Variants in KCNMB2 observed in about 807,000 individuals in gnomAD.
KCNMB2 encodes the protein potassium calcium-activated channel subfamily M regulatory beta subunit 2, also known as calcium-activated potassium channel subunit beta-2.
A neutral mutation model predicts 24.5 loss-of-function variants in KCNMB2; 9 were observed. The ratio of observed to expected loss-of-function variants is 0.37; its 90% CI spans 0.22 to 0.64. The LOEUF (loss-of-function observed/expected upper bound fraction) is 0.64. KCNMB2 is among the 30% of genes least tolerant of loss of function. The probability of loss-of-function intolerance (pLI) is 0.63; values close to 1 mark genes in which losing one functional copy is unlikely to be tolerated. For missense variants in KCNMB2, 226 were observed against 284.3 expected, an observed-to-expected ratio of 0.79 and a Z score of 1.47; for synonymous variants, 109 against 104.4, an observed-to-expected ratio of 1.04 and a Z score of -0.27.
At chr3:178,770,329 T>C (rs1415731397) in intron 1 of KCNMB2, among the ~76,000 whole-genome samples, 1 of 152,210 alleles carries the variant, frequency 6.6e-6, no homozygotes, top group African/African-American at 2.4e-5. Context: ...TTGACAGCAA[T>C]CAAGGCAGAG....
chr3:178,613,379 A>G (rs976299816), intron 1 of KCNMB2, among the ~76,000 whole-genome samples: 10 of 152,194 alleles, frequency 6.6e-5, no homozygotes, highest in African/African-American at 2.4e-4. Flanking sequence ...ACACGGTTAC[A>G]GTGTATTAAT....
chr3:178,676,539 G>A (rs1234004754), intron 1 of KCNMB2, among the ~76,000 whole-genome samples: 3 of 152,124 alleles, frequency 2.0e-5, no homozygotes, highest in Admixed American at 6.5e-5. Context: ...CTCTACAAGG[G>A]AGCATCCTGG....
At chr3:178,645,045 A>ATTTTTTTTTTTTTTTTTTT (rs10576689) in intron 1 of KCNMB2, among the ~76,000 whole-genome samples, 1 of 92,440 alleles carries the variant, frequency 1.1e-5, no homozygotes, top group Non-Finnish European at 2.1e-5. Flanking sequence ...AAGATCCAAG[A>ATTTTTTTTTTTTTTTTTTT]TTTTTTTTTT....
intron 1 of KCNMB2, among the ~76,000 whole-genome samples, chr3:178,633,181 G>A (rs1397910860): frequency 2.0e-5 from 3 of 152,208 alleles, no homozygotes; most frequent in Non-Finnish European, 2.9e-5. Flanking sequence ...GGTGCACAGT[G>A]TAAGCTGTTG....
intron 1 of KCNMB2, among the ~76,000 whole-genome samples, chr3:178,608,768 C>T (rs1377437258): frequency 6.6e-6 from 1 of 152,108 alleles, no homozygotes; most frequent in Non-Finnish European, 1.5e-5. Context: ...TGAGAATATG[C>T]AGTTTGTCTT....
chr3:178,567,477 C>CA (rs1716568425), intron 1 of KCNMB2, among the ~76,000 whole-genome samples: 1 of 152,104 alleles, frequency 6.6e-6, no homozygotes, highest in African/African-American at 2.4e-5. Context: ...TATGGCTACA[C>CA]AGAGAACCTG....
chr3:178,663,793 C>T (rs1206977973), intron 1 of KCNMB2, among the ~76,000 whole-genome samples: 1 of 152,046 alleles, frequency 6.6e-6, no homozygotes, highest in East Asian at 1.9e-4. Context: ...CTGGGCTTTC[C>T]CTATAGGCAT....
chr3:178,691,107 CTTTTTT>C (rs71181241), intron 1 of KCNMB2, among the ~76,000 whole-genome samples: 6 of 79,688 alleles, frequency 7.5e-5, no homozygotes. Flanking sequence ...CCCATTAAGT[CTTTTTT>C]TTTTTTTTTT....
chr3:178,831,554 A>G (rs1715057706), intron 4 of KCNMB2, among the ~76,000 whole-genome samples: 1 of 152,284 alleles, frequency 6.6e-6, no homozygotes, highest in African/African-American at 2.4e-5. Context: ...CCATGGAATA[A>G]TACTACGCAG....
At chr3:178,728,633 AG>A (rs1191252490) in intron 1 of KCNMB2, among the ~76,000 whole-genome samples, 1 of 152,100 alleles carries the variant, frequency 6.6e-6, no homozygotes, top group South Asian at 2.1e-4. Context: ...CCTCAGGTCT[AG>A]GGGGGTCCCA....
intron 1 of KCNMB2, among the ~76,000 whole-genome samples, chr3:178,654,442 G>A (rs1429512692): frequency 1.3e-5 from 2 of 152,076 alleles, no homozygotes; most frequent in Non-Finnish European, 1.5e-5. Flanking sequence ...CCAAAAATTT[G>A]AGCTGAACAT....
chr3:178,539,289 T>C (rs535119260), intron 1 of KCNMB2, among the ~76,000 whole-genome samples: 15 of 152,294 alleles, frequency 9.8e-5, no homozygotes, highest in African/African-American at 3.1e-4. Flanking sequence ...ACTGCAAGAA[T>C]GTGTATATAA....
chr3:178,675,146 T>G (rs1197056963), intron 1 of KCNMB2, among the ~76,000 whole-genome samples: 4 of 152,212 alleles, frequency 2.6e-5, no homozygotes, highest in African/African-American at 7.2e-5. Context: ...GATAATATAG[T>G]TTTAAAATAT....
At chr3:178,712,653 C>G (rs562864814) in intron 1 of KCNMB2, among the ~76,000 whole-genome samples, 1 of 152,286 alleles carries the variant, frequency 6.6e-6, no homozygotes, top group Non-Finnish European at 1.5e-5. Context: ...ATTATCTTCA[C>G]TTTACAGATG....
chr3:178,579,094 C>T (rs1472572390), intron 1 of KCNMB2, among the ~76,000 whole-genome samples: 3 of 152,154 alleles, frequency 2.0e-5, no homozygotes, highest in Admixed American at 2.0e-4. Flanking sequence ...CCGCAACATG[C>T]TTATTCTAAA....
chr3:178,576,991 T>G (rs1386365416), intron 1 of KCNMB2, among the ~76,000 whole-genome samples: 1 of 152,168 alleles, frequency 6.6e-6, no homozygotes, highest in Non-Finnish European at 1.5e-5. Flanking sequence ...GCTCGAGCTC[T>G]GCTAAGGGAC....
At chr3:178,738,817 C>T (rs1052069854) in intron 1 of KCNMB2, among the ~76,000 whole-genome samples, 1 of 152,076 alleles carries the variant, frequency 6.6e-6, no homozygotes, top group African/African-American at 2.4e-5. Context: ...TTGTCTTTAC[C>T]AGCATCTATA....
chr3:178,661,550 T>C (rs996319972), intron 1 of KCNMB2, among the ~76,000 whole-genome samples: 1 of 152,138 alleles, frequency 6.6e-6, no homozygotes, highest in Non-Finnish European at 1.5e-5. Flanking sequence ...AGACAGTAGA[T>C]AAACAAATGA....
chr3:178,564,608 G>C (rs183148535), intron 1 of KCNMB2, among the ~76,000 whole-genome samples: 1 of 152,082 alleles, frequency 6.6e-6, no homozygotes, highest in African/African-American at 2.4e-5. Flanking sequence ...TTGCCTTATC[G>C]AATCCCCATA....
Sources: allele counts gnomAD v4.1 joint callset (sites outside exome capture counted in the v4.1 genomes callset), GRCh38; gene constraint gnomAD v4.1.1; transcripts MANE v1.5; gene names NCBI Gene and HGNC (gene_info 2026-07-23, HGNC 2026-07-21).